The following HSD17B3 variants were observed in gnomAD, a reference collection of about 807,000 sequenced individuals.
HSD17B3 encodes 17-beta-hydroxysteroid dehydrogenase type 3.
In HSD17B3, 29 loss-of-function variants were observed where a neutral mutation model predicts 41.1. The ratio of observed to expected loss-of-function variants is 0.71; its 90% CI spans 0.53 to 0.96. HSD17B3 has a LOEUF of 0.96. HSD17B3 is among the 40% of genes least tolerant of loss of function. The pLI is 0.00. For synonymous variants in HSD17B3, 126 were observed against 145.6 expected, an observed-to-expected ratio of 0.87 and a Z score of 0.97; for missense variants, 323 against 374.6, an observed-to-expected ratio of 0.86 and a Z score of 1.14.
At chr9:96,255,811 C>A (rs1825629804) in intron 2 of HSD17B3, among the ~76,000 whole-genome samples, 2 of 152,166 alleles carry the variant, frequency 1.3e-5, no homozygotes, top group South Asian at 4.1e-4. Context: ...ACGGGGAGCA[C>A]AGGGTAGAGA....
chr9:96,282,380 G>T (rs552660882), intron 2 of HSD17B3, among the ~76,000 whole-genome samples: 1 of 152,270 alleles, frequency 6.6e-6, no homozygotes, highest in African/African-American at 2.4e-5. Flanking sequence ...TAATCTTTGA[G>T]AAATAAAGAT....
At chr9:96,249,975 C>CCATTCTGT in intron 5 of HSD17B3, 189 bp from the exon 6 acceptor site, 1 of 1,491,226 alleles carries the variant, frequency 6.7e-7, no homozygotes. Context: ...CATCTGACTC[C>CCATTCTGT]CATTCTGTCA....
chr9:96,259,347 A>G (rs1405739010), intron 2 of HSD17B3, among the ~76,000 whole-genome samples: 5 of 152,162 alleles, frequency 3.3e-5, no homozygotes, highest in Admixed American at 2.0e-4. Context: ...TTCAATAGGT[A>G]GGTTCAATTC....
intron 2 of HSD17B3, among the ~76,000 whole-genome samples, chr9:96,273,796 TGGAGTCC>T (rs1826351880): frequency 6.6e-6 from 1 of 152,138 alleles, no homozygotes; most frequent in African/African-American, 2.4e-5. Context: ...GCTGACTGCT[TGGAGTCC>T]ACAGCATTGC....
chr9:96,263,392 A>G (rs1226831072), intron 2 of HSD17B3, among the ~76,000 whole-genome samples: 1 of 152,134 alleles, frequency 6.6e-6, no homozygotes, highest in East Asian at 1.9e-4. Context: ...ATTACAGTGT[A>G]GCAAAGACAA....
chr9:96,277,180 G>A (rs1205254146), intron 2 of HSD17B3, among the ~76,000 whole-genome samples: 2 of 138,988 alleles, frequency 1.4e-5, no homozygotes, highest in African/African-American at 5.5e-5. Flanking sequence ...CAGCCTGGGC[G>A]ACAGAGCAAG....
At chr9:96,298,555 G>A (rs1827451701) in intron 1 of HSD17B3, 93 bp from the exon 2 acceptor site, 3 of 1,043,772 alleles carry the variant, frequency 2.9e-6, no homozygotes, top group Non-Finnish European at 4.5e-6. Context: ...TAGTCTCCAG[G>A]GCAGTCAGTA....
intron 9 of HSD17B3, among the ~76,000 whole-genome samples, chr9:96,242,001 G>GAAAGAA (rs1554692381): frequency 1.1e-4 from 14 of 130,504 alleles, no homozygotes; most frequent in Non-Finnish European, 2.3e-4. Context: ...AAGAAAGAAA[G>GAAAGAA]AAAGAGAAAG....
At position 96,235,490 on chromosome 9, in the gene HSD17B3, T is replaced by C; in HGVS notation, c.903A>G (p.Ala301=). The C allele has an allele frequency of 2.5e-6, 4 of 1,614,034 alleles. No individual in the cohort carries two copies. The highest frequency in any genetic ancestry group is 3.4e-6 in the Non-Finnish European group (4 of 1,179,956). ...TGACCTTGGTGTTGAGCTTCAGGTA[T>C]GCCACATAGTGTGTCAGGAGCAGCC... ...FQRLLLTHYV[A]YLKLNTKVR is the part of the protein sequence containing the mutation. Residue 301 remains alanine (A), a synonymous_variant, in exon 11 of 11, where the codon GCA becomes GCG. Coordinates refer to ENST00000375263, the MANE Select transcript of HSD17B3 (RefSeq NM_000197.2).
At chr9:96,293,559 CTCTG>C (rs1222787511) in intron 2 of HSD17B3, among the ~76,000 whole-genome samples, 3 of 151,812 alleles carry the variant, frequency 2.0e-5, no homozygotes, top group Admixed American at 6.6e-5. Flanking sequence ...ACTCTTCTCT[CTCTG>C]TCTCCTTCCC....
chr9:96,290,583 C>T (rs1285287731), intron 2 of HSD17B3, among the ~76,000 whole-genome samples: 2 of 150,342 alleles, frequency 1.3e-5, no homozygotes, highest in Non-Finnish European at 3.0e-5. Context: ...CCTGTAATCC[C>T]AGCACTTTCG....
At chr9:96,273,259 C>T (rs1179633572) in intron 2 of HSD17B3, among the ~76,000 whole-genome samples, 1 of 152,012 alleles carries the variant, frequency 6.6e-6, no homozygotes. Context: ...GTCCACACAC[C>T]CCCATAATTT....
chr9:96,255,555 A>C (rs890765606), intron 2 of HSD17B3, among the ~76,000 whole-genome samples: 2 of 151,560 alleles, frequency 1.3e-5, no homozygotes, highest in African/African-American at 4.8e-5. Flanking sequence ...AAGCCCGGCT[A>C]ATTTTTGTAT....
intron 7 of HSD17B3, 62 bp downstream of exon 7, chr9:96,246,494 G>C: frequency 1.4e-6 from 2 of 1,473,088 alleles, no homozygotes; most frequent in Non-Finnish European, 9.5e-7. Flanking sequence ...CAGTCCCTGA[G>C]TTAGCTGACC....
chr9:96,271,822 T>TTTTCTGAAAGGAATGGTTTTTCCTTACC, intron 2 of HSD17B3, among the ~76,000 whole-genome samples: 1 of 152,160 alleles, frequency 6.6e-6, no homozygotes, highest in Non-Finnish European at 1.5e-5. Flanking sequence ...TTTTCTTACT[T>TTTTCTGAAAGGAATGGTTTTTCCTTACC]TTTCTGAAAG....
chr9:96,255,453 A>C (rs1286072061), intron 2 of HSD17B3, among the ~76,000 whole-genome samples: 1 of 123,130 alleles, frequency 8.1e-6, no homozygotes, highest in Admixed American at 1.1e-4. Context: ...GCAATGGTGT[A>C]ATCTCGGCCC....
intron 6 of HSD17B3, 65 bp from the exon 7 acceptor site, chr9:96,246,655 G>A: frequency 6.9e-7 from 1 of 1,454,936 alleles, no homozygotes; most frequent in Non-Finnish European, 9.7e-7. Flanking sequence ...GGGCGGGATG[G>A]AAACAGGGAA....
At chr9:96,274,617 T>C (rs940893388) in intron 2 of HSD17B3, among the ~76,000 whole-genome samples, 4 of 151,934 alleles carry the variant, frequency 2.6e-5, no homozygotes, top group Non-Finnish European at 4.4e-5. Context: ...AAAAATGCAA[T>C]AGAAAGCCTT....
At chr9:96,246,674 G>T in intron 6 of HSD17B3, 84 bp from the exon 7 acceptor site, 1 of 1,227,572 alleles carries the variant, frequency 8.1e-7, no homozygotes, top group Non-Finnish European at 1.2e-6. Flanking sequence ...AAGGGAGCGC[G>T]GGAGGAAGCT....
Sources: gnomAD v4.1 joint callset for allele counts (sites outside exome capture counted in the v4.1 genomes callset) on GRCh38, gnomAD v4.1.1 for gene constraint, MANE v1.5 for transcripts, NCBI Gene and HGNC (gene_info 2026-07-23, HGNC 2026-07-21) for gene names.